POU2F3: variants seen among roughly 807,000 people sequenced by gnomAD.
POU2F3 encodes the protein POU class 2 homeobox 3.
In POU2F3, 23 loss-of-function variants were observed where a neutral mutation model predicts 59.2. The observed-to-expected ratio is 0.39, with a 90% confidence interval of 0.28 to 0.55. POU2F3 has a LOEUF of 0.55. Ranked by LOEUF, POU2F3 falls within the 20% of genes least tolerant of loss-of-function variation. The pLI is 0.66. For synonymous variants in POU2F3, 190 were observed against 214.6 expected (o/e 0.89, Z 1.00); for missense variants, 473 against 544.5 (o/e 0.87, Z 1.31).
intron 3 of POU2F3, among the ~76,000 whole-genome samples, chr11:120,273,585 G>A (rs1314795170): frequency 6.6e-6 from 1 of 152,204 alleles, no homozygotes; most frequent in Non-Finnish European, 1.5e-5. Context: ...AGCATGACTA[G>A]TTTCATTTAC....
intron 3 of POU2F3, among the ~76,000 whole-genome samples, chr11:120,281,882 C>T (rs11217785): frequency 0.34 from 50,991 of 150,490 alleles, 10,271 homozygotes; most frequent in East Asian, 0.86. Flanking sequence ...TAGGATCAAC[C>T]TTATAATGCT....
At chr11:120,236,787 A>AT, upstream of POU2F3, 1 of 1,346,134 alleles carries the variant, frequency 7.4e-7, no homozygotes, top group Non-Finnish European at 1.0e-6. Flanking sequence ...GAAGGAATAA[A>AT]GATTGCTCAC....
chr11:120,311,891 G>C (rs1396109581), intron 10 of POU2F3, among the ~76,000 whole-genome samples: 1 of 152,160 alleles, frequency 6.6e-6, no homozygotes, highest in Admixed American at 6.5e-5. Flanking sequence ...AACTGAGAAG[G>C]AGGGACCAGA....
At chr11:120,238,154 C>G (rs952932066), upstream of POU2F3, among the ~76,000 whole-genome samples, 13 of 152,106 alleles carry the variant, frequency 8.5e-5, no homozygotes, top group African/African-American at 2.9e-4. Context: ...GCAGGAGAAT[C>G]GCTTGAACCT....
intron 3 of POU2F3, among the ~76,000 whole-genome samples, chr11:120,286,976 T>C (rs147742328): frequency 6.6e-6 from 1 of 152,272 alleles, no homozygotes. Flanking sequence ...TGGCATACCA[T>C]TGGAGATGTC....
intron 10 of POU2F3, among the ~76,000 whole-genome samples, chr11:120,311,064 G>T (rs1206914617): frequency 6.6e-6 from 1 of 152,156 alleles, no homozygotes; most frequent in Non-Finnish European, 1.5e-5. Context: ...CCAGGGGAAA[G>T]TACAAGGGCT....
intron 3 of POU2F3, among the ~76,000 whole-genome samples, chr11:120,292,096 CTG>C (rs1941044698): frequency 6.6e-6 from 1 of 152,170 alleles, no homozygotes; most frequent in Non-Finnish European, 1.5e-5. Flanking sequence ...GTGTGAGCCA[CTG>C]TGCCCAGCCT....
chr11:120,299,026 A>C (rs1476514099), intron 4 of POU2F3, among the ~76,000 whole-genome samples: 1 of 152,162 alleles, frequency 6.6e-6, no homozygotes, highest in Non-Finnish European at 1.5e-5. Flanking sequence ...TCCATTGCAG[A>C]GGACTCCCCG....
At chr11:120,278,204 C>T (rs973260485) in intron 3 of POU2F3, among the ~76,000 whole-genome samples, 6 of 152,108 alleles carry the variant, frequency 3.9e-5, no homozygotes, top group Non-Finnish European at 5.9e-5. Flanking sequence ...CACAGATGTC[C>T]GGTGGGGCAC....
At chr11:120,246,182 A>G (rs1349705236) in intron 1 of POU2F3, among the ~76,000 whole-genome samples, 2 of 152,180 alleles carry the variant, frequency 1.3e-5, no homozygotes, top group Non-Finnish European at 2.9e-5. Flanking sequence ...GCAAGTGGCC[A>G]TGAATGATGC....
At chr11:120,303,231 A>G (rs1013133966) in intron 6 of POU2F3, 3 of 146,526 alleles carry the variant, frequency 2.0e-5, no homozygotes, top group African/African-American at 5.2e-5. Context: ...TGGGGACACC[A>G]GCATCATAAG....
chr11:120,280,728 A>G (rs1259230213), intron 3 of POU2F3, among the ~76,000 whole-genome samples: 1 of 152,242 alleles, frequency 6.6e-6, no homozygotes, highest in Non-Finnish European at 1.5e-5. Flanking sequence ...TGTGTCCAGT[A>G]CTTTTCCATG....
intron 2 of POU2F3, among the ~76,000 whole-genome samples, chr11:120,254,428 A>G (rs1939247806): frequency 6.6e-6 from 1 of 152,176 alleles, no homozygotes; most frequent in Admixed American, 6.5e-5. Flanking sequence ...AAGTTTGTGA[A>G]ACTACAGGAG....
intron 11 of POU2F3, among the ~76,000 whole-genome samples, chr11:120,315,951 C>T (rs1252332051): frequency 1.3e-5 from 2 of 149,882 alleles, no homozygotes; most frequent in African/African-American, 4.9e-5. Context: ...CAGCTCACCA[C>T]ACCCTCTGCC....
intron 3 of POU2F3, among the ~76,000 whole-genome samples, chr11:120,283,491 C>T (rs73578248): frequency 0.084 from 12,810 of 152,092 alleles, 633 homozygotes; most frequent in South Asian, 0.18. Context: ...CCTCCAGTTC[C>T]CCTCCTTCCC....
chr11:120,307,981 T>C (rs1462058816), intron 9 of POU2F3, among the ~76,000 whole-genome samples: 1 of 152,220 alleles, frequency 6.6e-6, no homozygotes, highest in Non-Finnish European at 1.5e-5. Flanking sequence ...TTCTCTATTT[T>C]CTATGCAGTA....
intron 1 of POU2F3, among the ~76,000 whole-genome samples, chr11:120,245,010 G>A (rs1251894635): frequency 1.3e-5 from 2 of 152,102 alleles, no homozygotes; most frequent in East Asian, 3.9e-4. Flanking sequence ...CGACCACAAA[G>A]TGCAGTGTAG....
rs11217813 is a variant in POU2F3, at chr11:120,314,975, A to G, written c.1069-386A>G. ...GGTTCTTTTAGGGAAAAAGCAATGGAGACCAGAAAATGACAGGCAACCAGC... is the reference window on the plus strand; with the variant it reads ...GGTTCTTTTAGGGAAAAAGCAATGGGGACCAGAAAATGACAGGCAACCAGC... On this transcript the variant is annotated intron_variant, in intron 10 of 12. Transcript: ENST00000543440. 0.015 allele frequency among the ~76,000 whole-genome samples: 2,329 copies of G among 152,310 alleles called. 267 individuals are homozygous for G. The East Asian group carries it at 0.25, about 16-fold the overall frequency.
intron 2 of POU2F3, among the ~76,000 whole-genome samples, chr11:120,268,533 G>T (rs1408815902): frequency 1.3e-5 from 2 of 152,024 alleles, no homozygotes; most frequent in Non-Finnish European, 2.9e-5. Context: ...AGTAGCAATG[G>T]GGTCTCACTG....
Sources: allele counts gnomAD v4.1 joint callset (sites outside exome capture counted in the v4.1 genomes callset), GRCh38; gene constraint gnomAD v4.1.1; transcripts MANE v1.5; gene names NCBI Gene and HGNC (gene_info 2026-07-23, HGNC 2026-07-21).